NRG3: variants seen among roughly 807,000 people sequenced by gnomAD.
The protein encoded by NRG3 is neuregulin 3.
Under a neutral mutation model 66.9 loss-of-function variants are expected in NRG3, and 31 were observed. The observed-to-expected ratio is 0.46, with a 90% CI of 0.35 to 0.63. The LOEUF is 0.63. Ranked by LOEUF, NRG3 falls within the 20% of genes least tolerant of loss-of-function variation. The pLI is 0.00. For synonymous variants in NRG3, 393 were observed against 359.4 expected (o/e 1.09, Z -1.06); for missense variants, 910 against 878.9 (o/e 1.04, Z -0.45).
At chr10:82,954,316 G>A (rs1849822015) in intron 5 of NRG3, among the ~76,000 whole-genome samples, 1 of 151,908 alleles carries the variant, frequency 6.6e-6, no homozygotes, top group African/African-American at 2.4e-5. Flanking sequence ...GCAAACAGCT[G>A]GATTACCAGG....
chr10:82,866,575 C>T (rs17100973), intron 4 of NRG3, among the ~76,000 whole-genome samples: 1,579 of 152,138 alleles, frequency 0.01, 26 homozygotes, highest in African/African-American at 0.031. Context: ...TGCAGGCTTG[C>T]GGTTTTGTTG....
chr10:82,087,320 G>T (rs1363138213), intron 1 of NRG3, among the ~76,000 whole-genome samples: 1 of 152,022 alleles, frequency 6.6e-6, no homozygotes, highest in Admixed American at 6.6e-5. Flanking sequence ...TTAGCTATCT[G>T]CCTGCCCTGC....
chr10:82,127,779 A>G (rs1335290779), intron 1 of NRG3, among the ~76,000 whole-genome samples: 1 of 151,908 alleles, frequency 6.6e-6, no homozygotes, highest in Non-Finnish European at 1.5e-5. Flanking sequence ...TGATCTTGAC[A>G]ATGCAAAATG....
intron 6 of NRG3, among the ~76,000 whole-genome samples, chr10:82,964,802 A>T (rs7922695): frequency 0.56 from 85,826 of 152,092 alleles, 24,801 homozygotes; most frequent in Non-Finnish European, 0.63. Flanking sequence ...GATTATCAGC[A>T]CTGTCAACAT....
chr10:82,247,128 C>T (rs1272004159), intron 1 of NRG3, among the ~76,000 whole-genome samples: 1 of 152,172 alleles, frequency 6.6e-6, no homozygotes, highest in Non-Finnish European at 1.5e-5. Context: ...CCTGGTCTAA[C>T]ATGTCTGCCA....
intron 3 of NRG3, among the ~76,000 whole-genome samples, chr10:82,744,947 G>A (rs868387254): frequency 1.1e-4 from 17 of 152,098 alleles, no homozygotes; most frequent in Middle Eastern, 3.4e-3. Context: ...TTAGTACACA[G>A]TGTACAAGGC....
intron 1 of NRG3, among the ~76,000 whole-genome samples, chr10:82,065,931 A>G (rs2064431140): frequency 2.0e-5 from 3 of 152,116 alleles, no homozygotes; most frequent in Non-Finnish European, 4.4e-5. Flanking sequence ...CAGGAACAAA[A>G]CTCACATTTC....
At chr10:82,488,890 T>A (rs1842889314) in intron 2 of NRG3, among the ~76,000 whole-genome samples, 1 of 152,248 alleles carries the variant, frequency 6.6e-6, no homozygotes, top group Non-Finnish European at 1.5e-5. Flanking sequence ...AAACCTTCTA[T>A]CACATTACTC....
chr10:81,927,338 G>A (rs1387958672), intron 1 of NRG3, among the ~76,000 whole-genome samples: 1 of 152,090 alleles, frequency 6.6e-6, no homozygotes, highest in Non-Finnish European at 1.5e-5. Context: ...AATGGTCGTA[G>A]TCTAAATATC....
At chr10:82,611,771 T>G (rs1351567196) in intron 2 of NRG3, among the ~76,000 whole-genome samples, 3 of 152,144 alleles carry the variant, frequency 2.0e-5, no homozygotes, top group African/African-American at 7.2e-5. Flanking sequence ...TATAATCCTT[T>G]GGGGATATAC....
intron 1 of NRG3, among the ~76,000 whole-genome samples, chr10:81,936,859 C>G (rs1359073781): frequency 6.6e-6 from 1 of 152,086 alleles, no homozygotes; most frequent in Admixed American, 6.6e-5. Context: ...ATAAAAAACA[C>G]ATAAAAAATT....
intron 2 of NRG3, among the ~76,000 whole-genome samples, chr10:82,669,554 C>G (rs1189848960): frequency 1.3e-5 from 2 of 152,084 alleles, no homozygotes; most frequent in Non-Finnish European, 2.9e-5. Context: ...AAGGCACATT[C>G]CAAAACATAA....
chr10:82,762,712 A>G (rs558138798), intron 3 of NRG3, among the ~76,000 whole-genome samples: 6 of 152,316 alleles, frequency 3.9e-5, no homozygotes, highest in African/African-American at 7.2e-5. Flanking sequence ...TGTCTTCAAT[A>G]TATTCCACTG....
At chr10:82,015,826 GT>G (rs1283087678) in intron 1 of NRG3, among the ~76,000 whole-genome samples, 4 of 151,532 alleles carry the variant, frequency 2.6e-5, no homozygotes, top group African/African-American at 9.7e-5. Flanking sequence ...CTAAACCTTA[GT>G]TTTCTTATCT....
intron 1 of NRG3, among the ~76,000 whole-genome samples, chr10:81,881,268 T>A (rs576406598): frequency 2.6e-5 from 4 of 152,082 alleles, no homozygotes; most frequent in Middle Eastern, 3.4e-3. Flanking sequence ...ATTTCTTAGA[T>A]ATGCTTAACG....
chr10:82,947,589 AT>A (rs1185899748), intron 4 of NRG3, among the ~76,000 whole-genome samples: 2 of 152,056 alleles, frequency 1.3e-5, no homozygotes, highest in Admixed American at 6.6e-5. Flanking sequence ...TCCTTTTCAC[AT>A]TTGGTATGGT....
chr10:82,499,893 G>A (rs568108195), intron 2 of NRG3, among the ~76,000 whole-genome samples: 17 of 152,276 alleles, frequency 1.1e-4, no homozygotes, highest in African/African-American at 3.6e-4. Context: ...ATCTAACAAA[G>A]AGTTCTTGTG....
intron 3 of NRG3, among the ~76,000 whole-genome samples, chr10:82,856,730 C>G (rs1233494771): frequency 8.3e-5 from 8 of 96,926 alleles, no homozygotes; most frequent in Non-Finnish European, 1.3e-4. Flanking sequence ...GGAGACAGAG[C>G]AAGACTCTGT....
chr10:82,513,379 C>T (rs1407914965), intron 2 of NRG3, among the ~76,000 whole-genome samples: 1 of 152,116 alleles, frequency 6.6e-6, no homozygotes, highest in Non-Finnish European at 1.5e-5. Flanking sequence ...AGGTTGACTC[C>T]ATGTCTTTGC....
Sources: allele counts gnomAD v4.1 joint callset (sites outside exome capture counted in the v4.1 genomes callset), GRCh38; gene constraint gnomAD v4.1.1; transcripts MANE v1.5; gene names NCBI Gene and HGNC (gene_info 2026-07-23, HGNC 2026-07-21).